MAML3: variants seen among roughly 807,000 people sequenced by gnomAD.
MAML3 encodes mastermind like transcriptional coactivator 3, also known as mastermind-like protein 3.
Under a neutral mutation model 101.9 loss-of-function variants are expected in MAML3, and 27 were observed. That is an observed-to-expected ratio of 0.27 (90% CI 0.20 to 0.37). The LOEUF (loss-of-function observed/expected upper bound fraction) is 0.37. Ranked by LOEUF, MAML3 falls within the 10% of genes least tolerant of loss-of-function variation. MAML3 has a pLI of 1.00. For missense variants in MAML3, 1,316 were observed against 1,444.9 expected (o/e 0.91, Z 1.45); for synonymous variants, 501 against 555.9 (o/e 0.90, Z 1.39).
intron 1 of MAML3, among the ~76,000 whole-genome samples, chr4:140,037,833 G>T (rs1379301851): frequency 1.3e-5 from 2 of 152,196 alleles, no homozygotes; most frequent in African/African-American, 4.8e-5. Flanking sequence ...ACCCTGATTA[G>T]ACATAATCTA....
chr4:139,843,129 C>T (rs1273384311), intron 2 of MAML3, among the ~76,000 whole-genome samples: 1 of 152,072 alleles, frequency 6.6e-6, no homozygotes, highest in Admixed American at 6.6e-5. Flanking sequence ...AACTTCTTTT[C>T]CCTCTAAAGA....
chr4:139,753,386 A>ATCTATCTAT (rs1490347075), intron 2 of MAML3, among the ~76,000 whole-genome samples: 4 of 148,650 alleles, frequency 2.7e-5, no homozygotes, highest in South Asian at 2.1e-4. Context: ...CTATCTATCT[A>ATCTATCTAT]TTTTTTGTTA....
intron 2 of MAML3, among the ~76,000 whole-genome samples, chr4:139,762,838 G>A (rs1172039972): frequency 6.6e-6 from 1 of 152,216 alleles, no homozygotes; most frequent in Admixed American, 6.5e-5. Context: ...ATCTGGTGGG[G>A]TGTGGCCAGG....
chr4:140,148,131 T>C (rs1428935208), intron 1 of MAML3, among the ~76,000 whole-genome samples: 1 of 152,188 alleles, frequency 6.6e-6, no homozygotes, highest in Non-Finnish European at 1.5e-5. Context: ...GGACTGCCCA[T>C]TTTTCTCCTA....
chr4:139,997,474 C>T (rs1447836940), intron 1 of MAML3, among the ~76,000 whole-genome samples: 2 of 151,934 alleles, frequency 1.3e-5, no homozygotes, highest in African/African-American at 4.8e-5. Context: ...TGTGCTGTTA[C>T]TGTGATATAT....
intron 1 of MAML3, among the ~76,000 whole-genome samples, chr4:140,139,262 G>A (rs2111051692): frequency 6.6e-6 from 1 of 152,264 alleles, no homozygotes; most frequent in South Asian, 2.1e-4. Context: ...GACAGAGCAA[G>A]TCCCTGTTGT....
intron 1 of MAML3, among the ~76,000 whole-genome samples, chr4:139,977,622 C>T (rs567008956): frequency 6.6e-6 from 1 of 152,290 alleles, no homozygotes; most frequent in Admixed American, 6.5e-5. Context: ...CCTGTAATCC[C>T]AGCACCTTGG....
intron 1 of MAML3, among the ~76,000 whole-genome samples, chr4:140,095,962 T>C (rs1291124657): frequency 6.6e-6 from 1 of 152,250 alleles, no homozygotes; most frequent in Non-Finnish European, 1.5e-5. Context: ...AATATTTCCC[T>C]GTGTAGTCTC....
intron 2 of MAML3, among the ~76,000 whole-genome samples, chr4:139,781,895 C>T (rs1013041258): frequency 6.6e-6 from 1 of 152,138 alleles, no homozygotes; most frequent in Admixed American, 6.5e-5. Context: ...TGTGCAACCA[C>T]CCATCTGTGT....
chr4:139,749,893 C>T (rs1023010726), intron 2 of MAML3, among the ~76,000 whole-genome samples: 2 of 141,252 alleles, frequency 1.4e-5, no homozygotes, highest in Non-Finnish European at 3.0e-5. Flanking sequence ...GAACCCCCCC[C>T]CACCCTATTC....
At chr4:139,891,874 A>T (rs557094735) in intron 1 of MAML3, among the ~76,000 whole-genome samples, 1 of 152,318 alleles carries the variant, frequency 6.6e-6, no homozygotes, top group Non-Finnish European at 1.5e-5. Context: ...TTTCCACAAC[A>T]TCACACTCTT....
At chr4:140,028,893 T>C (rs756048988) in intron 1 of MAML3, among the ~76,000 whole-genome samples, 10 of 152,262 alleles carry the variant, frequency 6.6e-5, no homozygotes, top group Non-Finnish European at 1.3e-4. Context: ...GTGAGAGTCC[T>C]ATAGACAGAC....
intron 2 of MAML3, among the ~76,000 whole-genome samples, chr4:139,868,407 A>G (rs1311841957): frequency 1.3e-5 from 2 of 152,208 alleles, no homozygotes; most frequent in African/African-American, 4.8e-5. Context: ...CTACGAAAAT[A>G]AATTAAAATG....
intron 1 of MAML3, among the ~76,000 whole-genome samples, chr4:140,043,394 T>C (rs1041434181): frequency 2.0e-5 from 3 of 152,194 alleles, no homozygotes; most frequent in African/African-American, 7.2e-5. Flanking sequence ...TTTTACTTTA[T>C]AGGAATGCCG....
At chr4:139,970,393 G>A (rs1339934686) in intron 1 of MAML3, among the ~76,000 whole-genome samples, 2 of 152,178 alleles carry the variant, frequency 1.3e-5, no homozygotes, top group African/African-American at 4.8e-5. Flanking sequence ...AGTCTGTGGA[G>A]GACTATGGTG....
intron 1 of MAML3, among the ~76,000 whole-genome samples, chr4:140,121,571 G>C (rs1037364447): frequency 6.6e-6 from 1 of 152,216 alleles, no homozygotes; most frequent in Non-Finnish European, 1.5e-5. Context: ...AGCCTACGCT[G>C]ATACTCAATA....
chr4:139,893,103 G>T (rs2111202629), intron 1 of MAML3, among the ~76,000 whole-genome samples: 1 of 152,250 alleles, frequency 6.6e-6, no homozygotes, highest in African/African-American at 2.4e-5. Flanking sequence ...TAAAGGTGCT[G>T]ATACTCCGGT....
intron 2 of MAML3, among the ~76,000 whole-genome samples, chr4:139,801,993 A>G (rs1465675518): frequency 1.3e-5 from 2 of 152,150 alleles, no homozygotes; most frequent in African/African-American, 4.8e-5. Context: ...ATGCGGCTGC[A>G]CATGTGATTC....
At chr4:140,056,702 C>A (rs1281419615) in intron 1 of MAML3, among the ~76,000 whole-genome samples, 1 of 150,668 alleles carries the variant, frequency 6.6e-6, no homozygotes, top group South Asian at 2.1e-4. Flanking sequence ...CCCAGCTACT[C>A]GGGAGGCTAA....
Sources: gnomAD v4.1 joint callset for allele counts (sites outside exome capture counted in the v4.1 genomes callset) on GRCh38, gnomAD v4.1.1 for gene constraint, MANE v1.5 for transcripts, NCBI Gene and HGNC (gene_info 2026-07-23, HGNC 2026-07-21) for gene names.